The following CCDC148 variants were observed in gnomAD, a reference collection of about 807,000 sequenced individuals.
The protein encoded by CCDC148 is coiled-coil domain-containing protein 148.
Under a neutral mutation model 85.7 loss-of-function variants are expected in CCDC148, and 89 were observed. That is an observed-to-expected ratio of 1.04 (90% CI 0.87 to 1.24). The LOEUF (loss-of-function observed/expected upper bound fraction) is 1.24, where lower values mean the gene tolerates loss of function less well. Ranked by LOEUF, CCDC148 falls within the 50% of genes most tolerant of loss-of-function variation. The probability of loss-of-function intolerance (pLI) is 0.00; values close to 1 mark genes in which losing one functional copy is unlikely to be tolerated. For synonymous variants in CCDC148, 230 were observed against 213.9 expected (o/e 1.08, Z -0.66); for missense variants, 692 against 671.7 (o/e 1.03, Z -0.33).
intron 7 of CCDC148, among the ~76,000 whole-genome samples, chr2:158,321,606 G>A (rs1692522044): frequency 6.6e-6 from 1 of 152,146 alleles, no homozygotes; most frequent in Non-Finnish European, 1.5e-5. Flanking sequence ...ACCTCATCAA[G>A]TAAGCAAATG....
At chr2:158,215,658 CA>C (rs1430418400) in intron 11 of CCDC148, among the ~76,000 whole-genome samples, 1 of 151,894 alleles carries the variant, frequency 6.6e-6, no homozygotes, top group African/African-American at 2.4e-5. Flanking sequence ...CTAACTAGCA[CA>C]AAGGACTTAT....
intron 2 of CCDC148, among the ~76,000 whole-genome samples, chr2:158,354,772 C>CA (rs1263978233): frequency 6.7e-6 from 1 of 149,498 alleles, no homozygotes; most frequent in Non-Finnish European, 1.5e-5. Flanking sequence ...AGAGACACAA[C>CA]AAAAAAAGAG....
chr2:158,429,237 T>C (rs1187589519), intron 1 of CCDC148, among the ~76,000 whole-genome samples: 1 of 152,062 alleles, frequency 6.6e-6, no homozygotes, highest in Non-Finnish European at 1.5e-5. Context: ...TATACTTACG[T>C]AACAAACCTG....
At chr2:158,201,190 C>T (rs574706465) in intron 11 of CCDC148, among the ~76,000 whole-genome samples, 1 of 151,858 alleles carries the variant, frequency 6.6e-6, no homozygotes, top group Non-Finnish European at 1.5e-5. Flanking sequence ...TTAATATCAC[C>T]GTTTTGAAAT....
chr2:158,317,091 C>T (rs1225056661), intron 7 of CCDC148, among the ~76,000 whole-genome samples: 3 of 152,100 alleles, frequency 2.0e-5, no homozygotes, highest in Non-Finnish European at 2.9e-5. Context: ...ATTGCACAGA[C>T]AGTGAAAAAT....
At chr2:158,452,045 T>C (rs1180105003) in intron 1 of CCDC148, among the ~76,000 whole-genome samples, 1 of 152,194 alleles carries the variant, frequency 6.6e-6, no homozygotes, top group African/African-American at 2.4e-5. Context: ...GGAAAAACAC[T>C]TTTCCTCTAT....
chr2:158,352,549 A>AT (rs1361856261), intron 2 of CCDC148, among the ~76,000 whole-genome samples: 6 of 152,072 alleles, frequency 3.9e-5, no homozygotes, highest in Admixed American at 6.6e-5. Flanking sequence ...AGAAATGAGC[A>AT]AAGCCTCCAA....
At position 158,184,823 on chromosome 2, in the gene CCDC148, A is replaced by G. The variant is rs569554039; in HGVS notation, c.1371-5827T>C. Among the ~76,000 whole-genome samples the G allele has an allele frequency of 3.9e-5, 6 of 152,258 alleles. No homozygotes were observed. In the South Asian group the frequency reaches 1.2e-3, roughly 32 times the overall value. ...ATCAAAATCACCTGTGTGACTGGTTAAACCTCAGACTTCTGGGCCAGCTCC... is the reference window on the plus strand; with the variant it reads ...ATCAAAATCACCTGTGTGACTGGTTGAACCTCAGACTTCTGGGCCAGCTCC... On this transcript the variant is annotated intron_variant, in intron 11 of 13. Coordinates refer to ENST00000283233, the MANE Select transcript of CCDC148 (RefSeq NM_138803.4).
intron 11 of CCDC148, among the ~76,000 whole-genome samples, chr2:158,219,838 C>T (rs1033937592): frequency 1.4e-4 from 21 of 152,304 alleles, no homozygotes; most frequent in African/African-American, 4.8e-4. Context: ...GAGAGGGCTC[C>T]TCAGTTCCAA....
chr2:158,243,068 C>T (rs79719385), intron 10 of CCDC148, among the ~76,000 whole-genome samples: 11,904 of 152,092 alleles, frequency 0.078, 638 homozygotes, highest in Admixed American at 0.15. Context: ...CGTCTGTCTT[C>T]AGGCGGCACT....
intron 10 of CCDC148, among the ~76,000 whole-genome samples, chr2:158,225,719 G>A (rs1687476654): frequency 6.6e-6 from 1 of 152,202 alleles, no homozygotes; most frequent in Admixed American, 6.5e-5. Context: ...GGTACATAAT[G>A]AAATGAAGGC....
At chr2:158,228,171 A>G (rs1041507915) in intron 10 of CCDC148, among the ~76,000 whole-genome samples, 17 of 152,238 alleles carry the variant, frequency 1.1e-4, no homozygotes, top group African/African-American at 3.9e-4. Context: ...ACTTCTCAAA[A>G]TAAGACATTT....
chr2:158,214,088 G>T (rs1409575703), intron 11 of CCDC148, among the ~76,000 whole-genome samples: 1 of 57,680 alleles, frequency 1.7e-5, no homozygotes, highest in Non-Finnish European at 3.3e-5. Context: ...TAGAGTTACA[G>T]AAACTAAAGA....
chr2:158,431,821 G>T (rs577136114), intron 1 of CCDC148, among the ~76,000 whole-genome samples: 31 of 151,972 alleles, frequency 2.0e-4, no homozygotes, highest in African/African-American at 6.5e-4. Context: ...GCCTGTAATC[G>T]CAGCTATTTG....
At chr2:158,231,820 GTTTTC>G (rs1333471545) in intron 10 of CCDC148, among the ~76,000 whole-genome samples, 1 of 152,108 alleles carries the variant, frequency 6.6e-6, no homozygotes, top group African/African-American at 2.4e-5. Context: ...CGGGCCAACA[GTTTTC>G]TTTTCAGGAT....
chr2:158,415,464 T>A (rs1226786037), intron 1 of CCDC148, among the ~76,000 whole-genome samples: 6 of 111,794 alleles, frequency 5.4e-5, no homozygotes, highest in Non-Finnish European at 5.9e-5. Context: ...CATAACATTC[T>A]CCCCTGGCCC....
chr2:158,304,221 AG>A (rs1424607871), intron 9 of CCDC148, among the ~76,000 whole-genome samples: 1 of 152,024 alleles, frequency 6.6e-6, no homozygotes, highest in Non-Finnish European at 1.5e-5. Context: ...TTAAACCTTC[AG>A]GGCCCAGAGG....
At chr2:158,279,113 C>T (rs1282544395) in intron 9 of CCDC148, among the ~76,000 whole-genome samples, 2 of 152,108 alleles carry the variant, frequency 1.3e-5, no homozygotes, top group Non-Finnish European at 1.5e-5. Flanking sequence ...GACATCCACA[C>T]CAAAAACCCA....
rs200836240 is a variant in CCDC148 at position 158,220,649 on chromosome 2, C to T, written c.1316G>A (p.Arg439His). ...GATTAATTTCTTCAGTTCTTCTAGA[C>T]GCTGAAGATCTCTCATTTCCATTTC... The part of the protein sequence containing the change: ...WQEMEMRDLQ[R>H]LEELKKLIAE... The change falls in exon 11 of 14, where the codon CGT becomes CAT. Residue 439 changes from arginine (R) to histidine (H), a missense_variant. Physicochemically the swap from Arg to His is conservative, Grantham distance 29 (BLOSUM62 0). Transcript: ENST00000283233. 1.8e-5 allele frequency: 28 copies of T among 1,597,556 alleles called. 1 individual carries two copies. Among genetic ancestry groups the T allele is most frequent in the Admixed American group, 1.6e-4 (9 of 54,942 alleles).
Sources: allele counts gnomAD v4.1 joint callset (sites outside exome capture counted in the v4.1 genomes callset), GRCh38; gene constraint gnomAD v4.1.1; transcripts MANE v1.5; gene names NCBI Gene and HGNC (gene_info 2026-07-23, HGNC 2026-07-21).